SDK2: variants seen among roughly 807,000 people sequenced by gnomAD.
The protein encoded by SDK2 is sidekick cell adhesion molecule 2.
A neutral mutation model predicts 253.9 loss-of-function variants in SDK2; 105 were observed. The observed-to-expected ratio is 0.41, with a 90% CI of 0.35 to 0.49. The LOEUF (loss-of-function observed/expected upper bound fraction) is 0.49, where lower values mean the gene tolerates loss of function less well. Among genes scored for constraint, SDK2 ranks in the 20% least tolerant of loss-of-function variants. The pLI is 0.06. For synonymous variants in SDK2, 1,249 were observed against 1,234.9 expected (o/e 1.01, Z -0.24); for missense variants, 2,608 against 3,003.0 (o/e 0.87, Z 3.07).
rs1236604472 is a variant in SDK2 at position 73,467,971 on chromosome 17, G to T, written c.331+4141C>A. Among the ~76,000 whole-genome samples, 1 of 152,194 alleles carries T rather than the reference G, an allele frequency of 6.6e-6. No homozygotes were observed. Among genetic ancestry groups the T allele is most frequent in the African/African-American group, 2.4e-5 (1 of 41,448 alleles). ...AAGGTGTCCTATTCCTTTGCCAGGG[G>T]CCTTACCCATATGTGCACAGCTGGG... is the stretch of plus-strand genomic sequence containing the variant. On this transcript the variant is annotated intron_variant, in intron 3 of 44. Transcript: ENST00000392650. This position sits in a 1 kb window ranked among gnomAD's most constrained non-coding sequence, Gnocchi z 4.1.
rs2063943570 is a variant in SDK2, at chr17:73,507,317, C to T, written c.224+121G>A. On this transcript the variant is annotated intron_variant, in intron 2 of 44. Transcript: ENST00000392650. ...CTGCCTTTGCCACTCACTTCCAGAACTCCAGGCTCTAGGAGCCCTGAGCCC... is the reference window on the plus strand; with the variant it reads ...CTGCCTTTGCCACTCACTTCCAGAATTCCAGGCTCTAGGAGCCCTGAGCCC... 3.7e-6 allele frequency: 4 copies of T among 1,094,494 alleles called. No homozygotes were observed. The Admixed American group carries it at 8.1e-5, about 22-fold the overall frequency. The allele number at this position is 1,094,494 out of a possible 1,614,324, so 67.8% of individuals were successfully genotyped here.
chr17:73,428,076 G>A (rs1409987382), intron 12 of SDK2, among the ~76,000 whole-genome samples: 3 of 152,166 alleles, frequency 2.0e-5, no homozygotes, highest in Non-Finnish European at 4.4e-5. Context: ...AAGACCAACA[G>A]GCAAATGAAA....
At chr17:73,399,333 G>C (rs2063001239) in intron 21 of SDK2, 44 bp from the exon 22 acceptor site, 1 of 1,610,260 alleles carries the variant, frequency 6.2e-7, no homozygotes, top group African/African-American at 1.3e-5. Context: ...CGGTGAGAAT[G>C]GCCCCCCATG....
At chr17:73,390,012 G>T (rs1050763577) in intron 29 of SDK2, among the ~76,000 whole-genome samples, 1 of 152,242 alleles carries the variant, frequency 6.6e-6, no homozygotes, top group Admixed American at 6.5e-5. Flanking sequence ...GCCTCCCAAA[G>T]TGCTGGGATT....
chr17:73,604,838 C>T (rs542990779), intron 1 of SDK2, among the ~76,000 whole-genome samples: 2 of 152,172 alleles, frequency 1.3e-5, no homozygotes, highest in African/African-American at 4.8e-5. Context: ...TTGCAGCAGG[C>T]GTGGTGGGCG....
At position 73,337,438 on chromosome 17, in the gene SDK2, G is replaced by C. The variant is rs1008088796; in HGVS notation, c.*1149C>G. 6.6e-6 allele frequency: 1 copy of C among 152,246 alleles called. No individual in the cohort carries two copies. Among genetic ancestry groups the C allele is most frequent in the Non-Finnish European group, 1.5e-5 (1 of 68,156 alleles). 9.4% of individuals were successfully genotyped at this position (152,246 alleles called of 1,614,324 possible). Reference sequence around the variant, plus strand: ...GAAAGTGAGTGTGCTGTCTGGCTAGGAGGGCCCAGATGAGTTTGTTCTGGA... The same window carrying C: ...GAAAGTGAGTGTGCTGTCTGGCTAGCAGGGCCCAGATGAGTTTGTTCTGGA... On this transcript the variant is annotated 3_prime_UTR_variant, in exon 45 of 45. Transcript: ENST00000392650.
intron 18 of SDK2, among the ~76,000 whole-genome samples, chr17:73,411,875 A>T (rs1389957641): frequency 1.3e-5 from 2 of 148,288 alleles, no homozygotes; most frequent in Non-Finnish European, 3.0e-5. Flanking sequence ...AGGTTCAAGC[A>T]ATTCCCCTGC....
chr17:73,552,198 G>A (rs565183851), intron 1 of SDK2, among the ~76,000 whole-genome samples: 26 of 152,278 alleles, frequency 1.7e-4, no homozygotes, highest in Admixed American at 1.0e-3. Context: ...CGAAACTCTC[G>A]TCTATAATTA....
At chr17:73,523,522 G>A (rs1241849845) in intron 1 of SDK2, among the ~76,000 whole-genome samples, 2 of 151,836 alleles carry the variant, frequency 1.3e-5, no homozygotes, top group Non-Finnish European at 2.9e-5. Context: ...AGATGGCCAC[G>A]TGAAGACAGG....
At chr17:73,605,737 T>G (rs2045899133) in intron 1 of SDK2, among the ~76,000 whole-genome samples, 1 of 151,628 alleles carries the variant, frequency 6.6e-6, no homozygotes, top group South Asian at 2.1e-4. Context: ...TTTGGGTTCC[T>G]CACTAACTAT....
At chr17:73,386,716 G>C (rs531301528) in intron 30 of SDK2, among the ~76,000 whole-genome samples, 168 bp from the exon 31 acceptor site, 1 of 152,216 alleles carries the variant, frequency 6.6e-6, no homozygotes, top group African/African-American at 2.4e-5. Flanking sequence ...TTGCTGCAAA[G>C]AGGACAAACT....
chr17:73,398,631 A>T (rs2062992702), intron 22 of SDK2, among the ~76,000 whole-genome samples: 1 of 152,222 alleles, frequency 6.6e-6, no homozygotes, highest in African/African-American at 2.4e-5. Flanking sequence ...AGAATCTCTC[A>T]GGATGCTTGT....
At chr17:73,427,273 C>G (rs2063290953) in intron 12 of SDK2, among the ~76,000 whole-genome samples, 1 of 152,192 alleles carries the variant, frequency 6.6e-6, no homozygotes, top group Non-Finnish European at 1.5e-5. Context: ...GTTAACAACA[C>G]TGTGAGACAG....
rs962923790 is a variant in SDK2, at chr17:73,379,015, A to G, written c.4980+162T>C. ...ATATTTCTGCGAACTGGGTCCAAAC[A>G]GCCAAGGTGGCAGGTGTACCACAGA... On this transcript the variant is annotated intron_variant, in intron 36 of 44. Transcript: ENST00000392650. This position sits in a 1 kb window ranked among gnomAD's most constrained non-coding sequence, Gnocchi z 4.5. Among the ~76,000 whole-genome samples, 3 of 152,178 alleles carry G rather than the reference A, an allele frequency of 2.0e-5. No homozygotes were observed. The highest frequency in any genetic ancestry group is 2.0e-4 in the Admixed American group (3 of 15,282).
At chr17:73,483,676 TA>T (rs2063748493) in intron 2 of SDK2, among the ~76,000 whole-genome samples, 10 of 68,840 alleles carry the variant, frequency 1.5e-4, no homozygotes, top group Admixed American at 4.0e-4. Flanking sequence ...TATATATATA[TA>T]TATATTTATA....
intron 1 of SDK2, among the ~76,000 whole-genome samples, chr17:73,546,245 G>A (rs1029944831): frequency 2.0e-5 from 3 of 152,176 alleles, no homozygotes; most frequent in Non-Finnish European, 4.4e-5. Context: ...CTGTGCAGGC[G>A]GATGCAGGCG....
At position 73,431,789 on chromosome 17, in the gene SDK2, G is replaced by T; in HGVS notation, c.1313-120C>A. ...GCCCCTGGCTCTGGAAATGCTGGAA[G>T]GAATGAGGACAGATGGCGGTGGGGC... On this transcript the variant is annotated intron_variant, in intron 10 of 44. Transcript: ENST00000392650. This position sits in a 1 kb window ranked among gnomAD's most constrained non-coding sequence, Gnocchi z 5.6. 9.0e-7 allele frequency: 1 copy of T among 1,116,714 alleles called. No homozygotes were observed. Among genetic ancestry groups the T allele is most frequent in the African/African-American group, 1.6e-5 (1 of 63,268 alleles). The allele number at this position is 1,116,714 out of a possible 1,614,324, so 69.2% of individuals were successfully genotyped here.
At chr17:73,544,685 A>T (rs2044927688) in intron 1 of SDK2, among the ~76,000 whole-genome samples, 1 of 152,218 alleles carries the variant, frequency 6.6e-6, no homozygotes, top group Non-Finnish European at 1.5e-5. Context: ...AAGTCGCATC[A>T]TGTCAAGAAT....
At chr17:73,540,952 G>A (rs1567831733) in intron 1 of SDK2, among the ~76,000 whole-genome samples, 1 of 152,346 alleles carries the variant, frequency 6.6e-6, no homozygotes, top group Non-Finnish European at 1.5e-5. Context: ...GCCAGAGATA[G>A]AGGTGCTGAG....
Sources: gnomAD v4.1 joint callset for allele counts (sites outside exome capture counted in the v4.1 genomes callset) on GRCh38, gnomAD v4.1.1 for gene constraint, Gnocchi (gnomAD v3.1) non-coding constraint, MANE v1.5 for transcripts, NCBI Gene and HGNC (gene_info 2026-07-23, HGNC 2026-07-21) for gene names.